Variants in ARHGEF10L observed in about 807,000 individuals in gnomAD.
The protein encoded by ARHGEF10L is Rho guanine nucleotide exchange factor 10 like, also known as rho guanine nucleotide exchange factor 10-like protein.
In ARHGEF10L, 69 loss-of-function variants were observed where a neutral mutation model predicts 141.2. The observed-to-expected ratio is 0.49, with a 90% CI of 0.40 to 0.60. ARHGEF10L has a LOEUF of 0.60. Among genes scored for constraint, ARHGEF10L ranks in the 20% least tolerant of loss-of-function variants. The pLI is 0.00. For synonymous variants in ARHGEF10L, 711 were observed against 718.5 expected (o/e 0.99, Z 0.17); for missense variants, 1,482 against 1,734.3 (o/e 0.85, Z 2.58).
At chr1:17,597,764 T>G (rs1185445979) in intron 4 of ARHGEF10L, among the ~76,000 whole-genome samples, 1 of 152,170 alleles carries the variant, frequency 6.6e-6, no homozygotes, top group African/African-American at 2.4e-5. Flanking sequence ...CCCAGCCCAG[T>G]ACACCAGAGC....
intron 4 of ARHGEF10L, among the ~76,000 whole-genome samples, chr1:17,599,767 T>C (rs1288376583): frequency 2.0e-5 from 3 of 152,234 alleles, no homozygotes; most frequent in Admixed American, 6.5e-5. Context: ...TGTTGACTTC[T>C]GGCAGTGAAA....
At chr1:17,676,678 A>C (rs2063746115) in intron 26 of ARHGEF10L, among the ~76,000 whole-genome samples, 1 of 151,960 alleles carries the variant, frequency 6.6e-6, no homozygotes, top group African/African-American at 2.4e-5. Flanking sequence ...CATCAGAACT[A>C]TCCAGGTTGC....
chr1:17,520,642 A>G, the ARHGEF10L span, among the ~76,000 whole-genome samples: 1 of 152,192 alleles, frequency 6.6e-6, no homozygotes, highest in Non-Finnish European at 1.5e-5. Context: ...CTCTGTGAGG[A>G]GAACCGTGCT....
chr1:17,611,502 T>C (rs17468149), intron 7 of ARHGEF10L, among the ~76,000 whole-genome samples: 17,195 of 152,176 alleles, frequency 0.11, 1,151 homozygotes, highest in Non-Finnish European at 0.15. Context: ...TGATGTAGAA[T>C]GCAATATCAC....
chr1:17,687,829 A>C (rs2064743946), intron 27 of ARHGEF10L, 82 bp downstream of exon 27: 2 of 1,422,470 alleles, frequency 1.4e-6, no homozygotes, highest in East Asian at 2.5e-5. Flanking sequence ...TGGGCAGCCC[A>C]TCCCATTTTC....
chr1:17,516,787 C>T, the ARHGEF10L span, among the ~76,000 whole-genome samples: 62 of 152,280 alleles, frequency 4.1e-4, 1 homozygote, highest in Admixed American at 3.6e-3. Flanking sequence ...GCCAGGTCCC[C>T]GCCAACGAAG....
intron 11 of ARHGEF10L, among the ~76,000 whole-genome samples, chr1:17,622,758 G>T (rs1293091589): frequency 6.6e-6 from 1 of 152,198 alleles, no homozygotes; most frequent in Non-Finnish European, 1.5e-5. Context: ...GCGCATAAAA[G>T]ACCCTCTTCC....
chr1:17,664,963 T>A (rs925179720), intron 26 of ARHGEF10L, among the ~76,000 whole-genome samples: 1 of 152,130 alleles, frequency 6.6e-6, no homozygotes, highest in African/African-American at 2.4e-5. Context: ...GATGCAGCCA[T>A]CCGCTGGGCT....
rs976356025 is a variant in ARHGEF10L, at chr1:17,619,138, G to A, written c.836-201G>A. 2.0e-5 allele frequency among the ~76,000 whole-genome samples: 3 copies of A among 152,096 alleles called. No homozygotes were observed. The highest frequency in any genetic ancestry group is 7.2e-5 in the African/African-American group (3 of 41,394). ...ACTTGCTCACAATTATTCACTGATG[G>A]AATGTTCCAGGCCCTGGGACGTAGC... On this transcript the variant is annotated intron_variant, in intron 9 of 28. Transcript: ENST00000361221. This position sits in a 1 kb window ranked among gnomAD's most constrained non-coding sequence, Gnocchi z 5.0.
Position 17,647,889 on chromosome 1 carries a change from T to G in ARHGEF10L, c.2273-665T>G, listed in dbSNP as rs77081549. Among the ~76,000 whole-genome samples the G allele has an allele frequency of 1.8e-3, 274 of 152,170 alleles. 3 individuals carry two copies. The highest frequency in any genetic ancestry group is 6.3e-3 in the African/African-American group (263 of 41,530). On this transcript the variant is annotated intron_variant, in intron 21 of 28. Transcript: ENST00000361221. ...TGCTCTTTAGCATGGTGACCTCCCGTGGTGAGTCCTGGGTCTGGGGTCGGG... is the reference window on the plus strand; with the variant it reads ...TGCTCTTTAGCATGGTGACCTCCCGGGGTGAGTCCTGGGTCTGGGGTCGGG...
At position 17,621,737 on chromosome 1, in the gene ARHGEF10L, A is replaced by G; in HGVS notation, c.943-127A>G. ...GGAAGGAAGAGTGGCCACCAGGCCC[A>G]GTGGTCCCAGGTGGGACCTGGGAGG... On this transcript the variant is annotated intron_variant, in intron 10 of 28. Transcript: ENST00000361221. The surrounding 1 kb of genome is among the most constrained non-coding windows in gnomAD (Gnocchi z 4.1). The G allele has an allele frequency of 1.3e-6, 1 of 798,990 alleles. No individual in the cohort carries two copies. Among genetic ancestry groups the G allele is most frequent in the Non-Finnish European group, 2.1e-6 (1 of 469,088 alleles). 49.5% of individuals were successfully genotyped at this position (798,990 alleles called of 1,614,324 possible). A position where few individuals can be genotyped will look rare whatever the true frequency, so the allele number is the denominator to read the frequency against.
chr1:17,695,177 C>T lies in ARHGEF10L; in HGVS notation c.3204C>T (p.Val1068=), dbSNP rs756402966. The T allele has an allele frequency of 2.7e-5, 43 of 1,612,874 alleles. 1 individual carries two copies. The highest frequency in any genetic ancestry group is 5.5e-5 in the South Asian group (5 of 91,076). The change falls in exon 28 of 29, where the codon GTC becomes GTT. Residue 1068 remains valine (V), a synonymous_variant. Transcript: ENST00000361221. The stretch of plus-strand genomic sequence containing the variant: ...CTGCAGGCCAGAAGCACTTGTGTGT[C>T]ACCAGCCTCCTGATCTGCCAGGGTC... ...FLLPGQKHLC[V]TSLLICQGLL...
At chr1:17,638,079 G>T (rs2061117213) in intron 19 of ARHGEF10L, 76 bp downstream of exon 19, 2 of 1,342,302 alleles carry the variant, frequency 1.5e-6, no homozygotes, top group South Asian at 2.7e-5. Flanking sequence ...AGCTGAGTAG[G>T]GAGGGGCTCC....
At position 17,623,244 on chromosome 1, in the gene ARHGEF10L, T is replaced by G. The variant is rs1571011342; in HGVS notation, c.1200+69T>G. ...CACAACCAGTCTGACCCCGGGGCCATGCAGTCCAGCCTCCTGCCTCTGCCT... is the reference window on the plus strand; with the variant it reads ...CACAACCAGTCTGACCCCGGGGCCAGGCAGTCCAGCCTCCTGCCTCTGCCT... On this transcript the variant is annotated intron_variant, in intron 12 of 28. Transcript: ENST00000361221. The surrounding 1 kb of genome is among the most constrained non-coding windows in gnomAD (Gnocchi z 4.7). 1.9e-6 allele frequency: 3 copies of G among 1,547,772 alleles called. No individual in the cohort carries two copies. The East Asian group carries it at 6.8e-5, about 35-fold the overall frequency.
the ARHGEF10L span, among the ~76,000 whole-genome samples, chr1:17,533,495 C>T: frequency 6.6e-6 from 1 of 152,076 alleles, no homozygotes. Flanking sequence ...ACACTACATT[C>T]CCCAGGAGAA....
At chr1:17,674,835 G>C (rs1011703186) in intron 26 of ARHGEF10L, among the ~76,000 whole-genome samples, 1 of 152,068 alleles carries the variant, frequency 6.6e-6, no homozygotes, top group Non-Finnish European at 1.5e-5. Context: ...GTTCAGTACC[G>C]TCTCATGCTG....
In ARHGEF10L at chr1:17,635,007, C is replaced by T. The variant is rs1571127691; in HGVS notation, c.1918C>T (p.Gln640Ter). The T allele has an allele frequency of 6.2e-7, 1 of 1,614,050 alleles. No homozygotes were observed. Residue 640 changes from glutamine to a stop codon, truncating the protein, a stop_gained, in exon 18 of 29, where the codon CAG becomes TAG. Coordinates refer to ENST00000361221, the MANE Select transcript of ARHGEF10L (RefSeq NM_018125.4). LOFTEE classifies it high-confidence loss of function. ...SGAKKASASGQAQNKVYLGPP... is the reference protein window; with the variant it reads ...SGAKKASASG ...CGCCAAGAAGGCCTCTGCCTCAGGG[C>T]AGGCTCAGAGTGAGTACCCCCTCTC...
intron 22 of ARHGEF10L, among the ~76,000 whole-genome samples, chr1:17,649,351 G>A (rs1052764264): frequency 6.6e-6 from 1 of 152,128 alleles, no homozygotes; most frequent in Non-Finnish European, 1.5e-5. Context: ...GTCCTAGCTC[G>A]CCCTCCATCT....
chr1:17,674,193 A>G (rs1010965884), intron 26 of ARHGEF10L, among the ~76,000 whole-genome samples: 2 of 151,330 alleles, frequency 1.3e-5, no homozygotes, highest in Non-Finnish European at 2.9e-5. Flanking sequence ...CTTTTTTCCC[A>G]CGCCAGCTCT....
Sources: gnomAD v4.1 joint callset for allele counts (sites outside exome capture counted in the v4.1 genomes callset) on GRCh38, gnomAD v4.1.1 for gene constraint, Gnocchi (gnomAD v3.1) non-coding constraint, MANE v1.5 for transcripts, NCBI Gene and HGNC (gene_info 2026-07-23, HGNC 2026-07-21) for gene names.